The following VPS4A variants were observed in gnomAD, a reference collection of about 807,000 sequenced individuals.
The protein encoded by VPS4A is vacuolar protein sorting 4 homolog A.
Under a neutral mutation model 52.3 loss-of-function variants are expected in VPS4A, and 20 were observed. The observed-to-expected ratio is 0.38, with a 90% CI of 0.27 to 0.56. The LOEUF (loss-of-function observed/expected upper bound fraction) is 0.56, where lower values mean the gene tolerates loss of function less well. VPS4A is among the 20% of genes least tolerant of loss of function. VPS4A has a pLI of 0.72. For missense variants in VPS4A, 419 were observed against 575.9 expected (o/e 0.73, Z 2.79); for synonymous variants, 293 against 227.7 (o/e 1.29, Z -2.58).
At position 69,320,001 on chromosome 16, in the gene VPS4A, TCAC is replaced by T. The variant is rs771792820; in HGVS notation, c.621-133_621-131del. ...TGGTGCAGTGTGGCCCGAGGGCTCC[TCAC>T]CACCACGTTTTCCGCAATTCCGGCA... is the stretch of plus-strand genomic sequence containing the variant. On this transcript the variant is annotated intron_variant, in intron 6 of 10. Transcript: ENST00000254950. This position sits in a 1 kb window ranked among gnomAD's most constrained non-coding sequence, Gnocchi z 4.2. The T allele has an allele frequency of 1.7e-5, 20 of 1,208,026 alleles. No homozygotes were observed. The highest frequency in any genetic ancestry group is 2.0e-5 in the Non-Finnish European group (18 of 878,736). 74.8% of individuals were successfully genotyped at this position (1,208,026 alleles called of 1,614,324 possible).
chr16:69,318,968 C>G, intron 5 of VPS4A, 26 bp downstream of exon 5: 1 of 1,605,468 alleles, frequency 6.2e-7, no homozygotes, highest in South Asian at 1.1e-5. Context: ...TTTCAAACCC[C>G]AATGTAAAAA....
chr16:69,324,783 G>A lies in VPS4A; in HGVS notation c.*474G>A, dbSNP rs1965564676. On this transcript the variant is annotated 3_prime_UTR_variant, in exon 11 of 11. Coordinates refer to ENST00000254950, the MANE Select transcript of VPS4A (RefSeq NM_013245.3). ...AAGTTTTGCTCCTTGAGAGCAGATT[G>A]GCTGATGCCCCTGCAACCCCAGCCC... is the stretch of plus-strand genomic sequence containing the variant. 1 of 185,876 alleles carries A rather than the reference G, an allele frequency of 5.4e-6. No individual in the cohort carries two copies. The highest frequency in any genetic ancestry group is 1.1e-5 in the Non-Finnish European group (1 of 86,966). The allele number at this position is 185,876 out of a possible 1,614,324, so 11.5% of individuals were successfully genotyped here.
rs768156040 is a variant in VPS4A, at chr16:69,315,966, C to T, written c.22-42C>T. On this transcript the variant is annotated intron_variant, in intron 1 of 10. Coordinates refer to ENST00000254950, the MANE Select transcript of VPS4A (RefSeq NM_013245.3). ...TGCCTGTGACCCCAGGGACTTTCCA[C>T]CTCTCCGAGGAAGCACTGAGCCATT... The T allele has an allele frequency of 2.2e-5, 35 of 1,577,750 alleles. No individual in the cohort carries two copies. The Middle Eastern group carries it at 6.7e-4, about 30-fold the overall frequency.
At position 69,311,362 on chromosome 16, in the gene VPS4A, G is replaced by C. The variant is rs1284269541; in HGVS notation, c.-150G>C. The C allele has an allele frequency of 1.2e-6, 1 of 857,116 alleles. No homozygotes were observed. The highest frequency in any genetic ancestry group is 1.5e-6 in the Non-Finnish European group (1 of 647,568). 53.1% of individuals were successfully genotyped at this position (857,116 alleles called of 1,614,324 possible). On this transcript the variant is annotated 5_prime_UTR_variant, in exon 1 of 11. Transcript: ENST00000254950. ...GCGCTCCTCGCTTGCCCTCGGACTC[G>C]GCTCCCGCTGCGAGCGGCCGCCCTG...
chr16:69,322,449 G>C, intron 9 of VPS4A, 111 bp from the exon 10 acceptor site: 3 of 1,255,760 alleles, frequency 2.4e-6, no homozygotes, highest in Non-Finnish European at 3.2e-6. Context: ...GTCCTCCTCA[G>C]ATGCTAGGGA....
At chr16:69,312,018 C>T (rs1352486941) in intron 1 of VPS4A, among the ~76,000 whole-genome samples, 2 of 152,214 alleles carry the variant, frequency 1.3e-5, no homozygotes, top group Admixed American at 6.5e-5. Context: ...TCATTCATTC[C>T]CTAGATCCTG....
chr16:69,320,340 C>A lies in VPS4A; in HGVS notation c.769+51C>A. 2 of 1,595,934 alleles carry A rather than the reference C, an allele frequency of 1.3e-6. No individual in the cohort carries two copies. Among genetic ancestry groups the A allele is most frequent in the Non-Finnish European group, 1.7e-6 (2 of 1,167,182 alleles). ...TGGTTCTTGTTGCACCTGAAGCCAA[C>A]CCTGGGCTTTATTCTGAGCTGCGGC... On this transcript the variant is annotated intron_variant, in intron 7 of 10. Coordinates refer to ENST00000254950, the MANE Select transcript of VPS4A (RefSeq NM_013245.3). The surrounding 1 kb of genome is among the most constrained non-coding windows in gnomAD (Gnocchi z 4.2).
chr16:69,323,512 T>C (rs908790603), intron 10 of VPS4A: 4 of 382,404 alleles, frequency 1.0e-5, no homozygotes, highest in South Asian at 1.9e-5. Flanking sequence ...CGTCAATCCA[T>C]GGGTTTGGCT....
At chr16:69,312,448 G>C (rs1203249778) in intron 1 of VPS4A, among the ~76,000 whole-genome samples, 1 of 152,050 alleles carries the variant, frequency 6.6e-6, no homozygotes, top group African/African-American at 2.4e-5. Flanking sequence ...AGCAGACATG[G>C]AATGAGTTGG....
chr16:69,322,939 G>A (rs2143269671), intron 10 of VPS4A: 1 of 289,418 alleles, frequency 3.5e-6, no homozygotes, highest in Non-Finnish European at 6.3e-6. Flanking sequence ...GTGGTGGTGT[G>A]CACTTGTAGT....
chr16:69,317,475 T>C (rs1174607994), intron 3 of VPS4A, among the ~76,000 whole-genome samples: 1 of 151,722 alleles, frequency 6.6e-6, no homozygotes, highest in African/African-American at 2.4e-5. Flanking sequence ...CTGGCCAACA[T>C]GGTGAATCCC....
At chr16:69,323,196 G>A (rs1221839553) in intron 10 of VPS4A, 1 of 164,094 alleles carries the variant, frequency 6.1e-6, no homozygotes, top group Non-Finnish European at 1.3e-5. Context: ...TGTACATACA[G>A]AGAAAGGCTA....
chr16:69,318,802 G>A (rs764224645), intron 4 of VPS4A, 21 bp from the exon 5 acceptor site: 11 of 1,611,742 alleles, frequency 6.8e-6, no homozygotes, highest in Admixed American at 1.7e-5. Context: ...GCCCGGGCCC[G>A]GGCCGGCCTC....
chr16:69,324,075 G>A, intron 10 of VPS4A, 133 bp from the exon 11 acceptor site: 1 of 792,084 alleles, frequency 1.3e-6, no homozygotes, highest in Non-Finnish European at 2.0e-6. Context: ...GCCATAGGCA[G>A]ATTCAAGCAG....
In VPS4A at chr16:69,324,663, G is replaced by A. The variant is rs938720444; in HGVS notation, c.*354G>A. The A allele has an allele frequency of 4.4e-6, 1 of 227,820 alleles. No individual in the cohort carries two copies. Among genetic ancestry groups the A allele is most frequent in the Non-Finnish European group, 9.1e-6 (1 of 110,386 alleles). The allele number at this position is 227,820 out of a possible 1,614,324, so 14.1% of individuals were successfully genotyped here. A position where few individuals can be genotyped will look rare whatever the true frequency, so the allele number is the denominator to read the frequency against. On this transcript the variant is annotated 3_prime_UTR_variant, in exon 11 of 11. Coordinates refer to ENST00000254950, the MANE Select transcript of VPS4A (RefSeq NM_013245.3). ...TAAAATCACCTGGAAGTGTCAAGGA[G>A]TGGGGCGGGGTGGCGGGGGAGAAGC...
At chr16:69,315,987 C>G (rs773542502) in intron 1 of VPS4A, 21 bp from the exon 2 acceptor site, 11 of 1,608,066 alleles carry the variant, frequency 6.8e-6, no homozygotes, top group Non-Finnish European at 2.6e-6. Flanking sequence ...AAGCACTGAG[C>G]CATTTGCTTT....
chr16:69,311,449 C>T lies in VPS4A; in HGVS notation c.-63C>T. 7.2e-6 allele frequency: 9 copies of T among 1,248,420 alleles called. No individual in the cohort carries two copies. Among genetic ancestry groups the T allele is most frequent in the Non-Finnish European group, 8.1e-6 (8 of 987,440 alleles). The allele number at this position is 1,248,420 out of a possible 1,614,324, so 77.3% of individuals were successfully genotyped here. ...CCGCGCCGGACCCAGTACCTCGGCTCCCCGGGGCCGGACCGAGGCCGCAAG... is the reference window on the plus strand; with the variant it reads ...CCGCGCCGGACCCAGTACCTCGGCTTCCCGGGGCCGGACCGAGGCCGCAAG... On this transcript the variant is annotated 5_prime_UTR_variant, in exon 1 of 11. Coordinates refer to ENST00000254950, the MANE Select transcript of VPS4A (RefSeq NM_013245.3).
intron 3 of VPS4A, 93 bp downstream of exon 3, chr16:69,316,465 G>A (rs1965438299): frequency 7.2e-6 from 11 of 1,530,444 alleles, no homozygotes; most frequent in Admixed American, 1.9e-5. Context: ...TTCCCTGTGG[G>A]AATGGTCCTC....
rs775613522 is a variant in VPS4A at position 69,321,222 on chromosome 16, T to C, written c.1023T>C (p.Ser341=). 4 of 1,566,322 alleles carry C rather than the reference T, an allele frequency of 2.6e-6. No homozygotes were observed. The highest frequency in any genetic ancestry group is 2.6e-6 in the Non-Finnish European group (3 of 1,156,234). ...ACATCAGCATCATCGTGCGGGACTCTCTCATGCAGCCCGTGAGGAAGGTGC... is the reference window on the plus strand; with the variant it reads ...ACATCAGCATCATCGTGCGGGACTCCCTCATGCAGCCCGTGAGGAAGGTGC... ...GADISIIVRD[S]LMQPVRKVQS... is the part of the protein sequence containing the mutation. The change falls in exon 9 of 11, where the codon TCT becomes TCC. Residue 341 remains serine (S), a synonymous_variant. Transcript: ENST00000254950. The surrounding 1 kb of genome is among the most constrained non-coding windows in gnomAD (Gnocchi z 4.5).
Sources: gnomAD v4.1 joint callset for allele counts (sites outside exome capture counted in the v4.1 genomes callset) on GRCh38, gnomAD v4.1.1 for gene constraint, Gnocchi (gnomAD v3.1) non-coding constraint, MANE v1.5 for transcripts, NCBI Gene and HGNC (gene_info 2026-07-23, HGNC 2026-07-21) for gene names.